Variants in PPP1R2 observed in about 807,000 individuals in gnomAD.
The protein encoded by PPP1R2 is protein phosphatase 1 regulatory inhibitor subunit 2.
Under a neutral mutation model 29.9 loss-of-function variants are expected in PPP1R2, and 16 were observed. That is an observed-to-expected ratio of 0.53 (90% CI 0.36 to 0.81). PPP1R2 has a LOEUF of 0.81. Among genes scored for constraint, PPP1R2 ranks in the 30% least tolerant of loss-of-function variants. The probability of loss-of-function intolerance (pLI) is 0.00; values close to 1 mark genes in which losing one functional copy is unlikely to be tolerated. For missense variants in PPP1R2, 197 were observed against 252.7 expected, an observed-to-expected ratio of 0.78 and a Z score of 1.49; for synonymous variants, 76 against 91.5, an observed-to-expected ratio of 0.83 and a Z score of 0.96.
At chr3:195,538,515 T>C (rs755223023) in intron 1 of PPP1R2, among the ~76,000 whole-genome samples, 1 of 63,638 alleles carries the variant, frequency 1.6e-5, no homozygotes, top group Non-Finnish European at 3.0e-5. Context: ...AAGTAACTTT[T>C]AGAAAACAAA....
At chr3:195,531,723 T>C (rs1415645579) in intron 1 of PPP1R2, among the ~76,000 whole-genome samples, 1 of 152,218 alleles carries the variant, frequency 6.6e-6, no homozygotes, top group Non-Finnish European at 1.5e-5. Context: ...GCTCCTGAAG[T>C]AAGCACTAGC....
intron 1 of PPP1R2, 32 bp from the exon 2 acceptor site, chr3:195,529,933 A>G: frequency 6.7e-7 from 1 of 1,488,874 alleles, no homozygotes. Context: ...GTTTTTCCCA[A>G]TGCAGAAAAA....
At chr3:195,536,107 TAATC>T (rs1183253240) in intron 1 of PPP1R2, among the ~76,000 whole-genome samples, 1 of 152,152 alleles carries the variant, frequency 6.6e-6, no homozygotes, top group African/African-American at 2.4e-5. Flanking sequence ...AACATGTAGT[TAATC>T]AATTGTTTAT....
In PPP1R2 at chr3:195,524,870, C is replaced by T. The variant is rs775644935; in HGVS notation, c.257G>A (p.Cys86Tyr). 1.9e-6 allele frequency: 3 copies of T among 1,614,120 alleles called. No individual in the cohort carries two copies. Among genetic ancestry groups the T allele is most frequent in the South Asian group, 2.2e-5 (2 of 91,082 alleles). The change falls in exon 3 of 6, where the codon TGT (cysteine) becomes TAT (tyrosine). Residue 86 changes from cysteine to tyrosine, a missense_variant. Cys to Tyr is a radical substitution (Grantham distance 194). This residue lies in a region of PPP1R2 where 135 missense variants were observed against 163.0 expected (regional missense o/e 0.83). Coordinates refer to ENST00000618156, the MANE Select transcript of PPP1R2 (RefSeq NM_006241.8). ...HSMMGDDEDA[C>Y]SDTEATEAMA... ...GGCTTCAGTGGCCTCGGTGTCACTACAGGCATCTTCATCATCCCCCATCAT... is the reference window on the plus strand; with the variant it reads ...GGCTTCAGTGGCCTCGGTGTCACTATAGGCATCTTCATCATCCCCCATCAT...
rs765124977 is a variant in PPP1R2, at chr3:195,542,970, G to C, written c.56C>G (p.Thr19Ser). The part of the protein sequence containing the change: ...RPIKGILKNK[T>S]STTSSMVASA... ...CGCCACCATAGAGGAAGTCGTAGAGGTCTTGTTCTTCAAGATCCCCTTGAT... is the reference window on the plus strand; with the variant it reads ...CGCCACCATAGAGGAAGTCGTAGAGCTCTTGTTCTTCAAGATCCCCTTGAT... The change falls in exon 1 of 6, where the codon ACC (threonine) becomes AGC (serine). Residue 19 changes from threonine (T) to serine (S), a missense_variant. By Grantham distance (58) the Thr-to-Ser change is moderately conservative (BLOSUM62 1). This residue lies in a region of PPP1R2 where 54 missense variants were observed against 60.6 expected (regional missense o/e 0.89). Transcript: ENST00000618156. 2.5e-6 allele frequency: 4 copies of C among 1,603,060 alleles called. No homozygotes were observed. The highest frequency in any genetic ancestry group is 2.6e-6 in the Non-Finnish European group (3 of 1,174,808).
At chr3:195,535,096 A>C (rs1719326630) in intron 1 of PPP1R2, among the ~76,000 whole-genome samples, 1 of 152,136 alleles carries the variant, frequency 6.6e-6, no homozygotes, top group Non-Finnish European at 1.5e-5. Context: ...GGGAAAGACA[A>C]CTTTTGCGTG....
rs1232531853 is a variant in PPP1R2, at chr3:195,526,874, C to G, written c.231-1978G>C. Among the ~76,000 whole-genome samples, 5 of 152,098 alleles carry G rather than the reference C, an allele frequency of 3.3e-5. No individual in the cohort carries two copies. In the East Asian group the frequency reaches 9.7e-4, roughly 30 times the overall value. On this transcript the variant is annotated intron_variant, in intron 2 of 5. Transcript: ENST00000618156. ...TCAGCTCACTGCAACCTCTGCCTCC[C>G]AGGTTCAAGTGATTCTCCTGCCTCA...
intron 1 of PPP1R2, 31 bp downstream of exon 1, chr3:195,542,873 G>C (rs191120804): frequency 0.014 from 22,933 of 1,582,368 alleles, 394 homozygotes; most frequent in South Asian, 0.067. Flanking sequence ...CGGGAAGGAG[G>C]GGCTCCCAGG....
intron 2 of PPP1R2, 24 bp downstream of exon 2, chr3:195,529,770 G>A (rs777348883): frequency 6.8e-7 from 1 of 1,467,666 alleles, no homozygotes; most frequent in Non-Finnish European, 9.3e-7. Flanking sequence ...AGTCACAAGA[G>A]GAATGACGTC....
At chr3:195,518,879 A>G in intron 5 of PPP1R2, 139 bp downstream of exon 5, 1 of 1,343,356 alleles carries the variant, frequency 7.4e-7, no homozygotes, top group Non-Finnish European at 1.0e-6. Context: ...TGCGGGTTAA[A>G]ACTTTAGAAA....
rs1203136602 is a variant in PPP1R2, at chr3:195,516,392, T to C, written c.*504A>G. On this transcript the variant is annotated 3_prime_UTR_variant, in exon 6 of 6. Transcript: ENST00000618156. ...GAAAATGCAACAGTAACTCTTATAA[T>C]TCTTTTCAATTAAACAGACAAATCA... 1.3e-5 allele frequency: 2 copies of C among 152,696 alleles called. No homozygotes were observed. The highest frequency in any genetic ancestry group is 4.8e-5 in the African/African-American group (2 of 41,456). The allele number at this position is 152,696 out of a possible 1,614,324, so 9.5% of individuals were successfully genotyped here. A position where few individuals can be genotyped will look rare whatever the true frequency, so the allele number is the denominator to read the frequency against.
intron 2 of PPP1R2, among the ~76,000 whole-genome samples, chr3:195,526,186 C>T (rs976902304): frequency 1.5e-4 from 23 of 150,860 alleles, no homozygotes; most frequent in African/African-American, 5.1e-4. Context: ...GCCTCAATTT[C>T]CCGGGCTCAA....
Position 195,515,436 on chromosome 3 carries a change from G to A in PPP1R2, c.*1460C>T, listed in dbSNP as rs938758237. 1 of 152,380 alleles carries A rather than the reference G, an allele frequency of 6.6e-6. No individual in the cohort carries two copies. The highest frequency in any genetic ancestry group is 2.1e-4 in the South Asian group (1 of 4,820). 9.4% of individuals were successfully genotyped at this position (152,380 alleles called of 1,614,324 possible). A position where few individuals can be genotyped will look rare whatever the true frequency, so the allele number is the denominator to read the frequency against. On this transcript the variant is annotated 3_prime_UTR_variant, in exon 6 of 6. Transcript: ENST00000618156. The stretch of plus-strand genomic sequence containing the variant: ...GTATCTATATATAAAATATACAGAC[G>A]TTATTTTAGAAGTCTGTTCATATAA...
At chr3:195,535,034 A>G (rs575233396) in intron 1 of PPP1R2, among the ~76,000 whole-genome samples, 150 of 152,248 alleles carry the variant, frequency 9.9e-4, no homozygotes, top group Non-Finnish European at 1.7e-3. Context: ...TTCAGCACAC[A>G]TGGCACTCTA....
At chr3:195,523,596 C>G (rs973099615) in intron 4 of PPP1R2, 96 bp downstream of exon 4, 1 of 961,714 alleles carries the variant, frequency 1.0e-6, no homozygotes, top group African/African-American at 1.6e-5. Flanking sequence ...CTGTGTGTCC[C>G]CAAAATGAAA....
chr3:195,531,448 C>T (rs952201899), intron 1 of PPP1R2, among the ~76,000 whole-genome samples: 1 of 152,182 alleles, frequency 6.6e-6, no homozygotes, highest in Non-Finnish European at 1.5e-5. Flanking sequence ...GAATAACATA[C>T]TCAACATTTT....
At chr3:195,542,467 G>GTTTC (rs1255069727) in intron 1 of PPP1R2, among the ~76,000 whole-genome samples, 1 of 152,120 alleles carries the variant, frequency 6.6e-6, no homozygotes, top group African/African-American at 2.4e-5. Flanking sequence ...TGCTAATGGG[G>GTTTC]GAAATGGTCT....
intron 2 of PPP1R2, among the ~76,000 whole-genome samples, chr3:195,527,183 G>A (rs1719002425): frequency 6.6e-6 from 1 of 152,004 alleles, no homozygotes; most frequent in Non-Finnish European, 1.5e-5. Context: ...GGGCGTGGTG[G>A]CTCATGCCTG....
chr3:195,517,281 A>G (rs1718581044), intron 5 of PPP1R2, among the ~76,000 whole-genome samples: 1 of 152,132 alleles, frequency 6.6e-6, no homozygotes, highest in Non-Finnish European at 1.5e-5. Context: ...ATATCACCTA[A>G]GAGTCCAAAC....
Sources: allele counts gnomAD v4.1 joint callset (sites outside exome capture counted in the v4.1 genomes callset), GRCh38; gene constraint gnomAD v4.1.1; regional missense constraint gnomAD v4.1.1; transcripts MANE v1.5; gene names NCBI Gene and HGNC (gene_info 2026-07-23, HGNC 2026-07-21).